The following CHL1 variants were observed in gnomAD, a reference collection of about 807,000 sequenced individuals.
CHL1 encodes the protein neural cell adhesion molecule L1-like protein.
CHL1 carries 96 observed loss-of-function variants against 141.9 expected under a neutral mutation model. That is an observed-to-expected ratio of 0.68 (90% CI 0.57 to 0.80). The LOEUF is 0.80. Among genes scored for constraint, CHL1 ranks in the 30% least tolerant of loss-of-function variants. The probability of loss-of-function intolerance (pLI) is 0.00; values close to 1 mark genes in which losing one functional copy is unlikely to be tolerated. For missense variants in CHL1, 1,820 were observed against 1,457.2 expected (o/e 1.25, Z -4.05); for synonymous variants, 613 against 502.2 (o/e 1.22, Z -2.95).
intron 2 of CHL1, among the ~76,000 whole-genome samples, chr3:253,020 T>G (rs1328530556): frequency 3.3e-5 from 5 of 152,130 alleles, no homozygotes; most frequent in Non-Finnish European, 5.9e-5. Flanking sequence ...GGAGAGGTGA[T>G]TTAAGTGGGC....
chr3:325,887 G>A lies in CHL1; in HGVS notation c.92-72G>A, dbSNP rs529817039. 1.2e-4 allele frequency: 110 copies of A among 956,330 alleles called. 1 individual carries two copies. The South Asian group carries it at 1.6e-3, about 14-fold the overall frequency. The allele number at this position is 956,330 out of a possible 1,614,324, so 59.2% of individuals were successfully genotyped here. On this transcript the variant is annotated intron_variant, in intron 3 of 27. Coordinates refer to ENST00000256509, the MANE Select transcript of CHL1 (RefSeq NM_006614.4). ...TATCAGTATACAAAAGAGGTTTAAAGTGTTTTCGCTATAGATTAACCTTGC... is the reference window on the plus strand; with the variant it reads ...TATCAGTATACAAAAGAGGTTTAAAATGTTTTCGCTATAGATTAACCTTGC...
intron 2 of CHL1, among the ~76,000 whole-genome samples, chr3:285,456 A>C (rs746153369): frequency 2.0e-5 from 3 of 152,240 alleles, no homozygotes; most frequent in Non-Finnish European, 4.4e-5. Context: ...GAATGTGATC[A>C]GATGAATAAA....
intron 1 of CHL1, among the ~76,000 whole-genome samples, chr3:209,258 C>T (rs1346239652): frequency 2.0e-5 from 3 of 152,128 alleles, no homozygotes; most frequent in Non-Finnish European, 2.9e-5. Flanking sequence ...CAGCAGATGA[C>T]AAAGTATAAA....
intron 6 of CHL1, among the ~76,000 whole-genome samples, chr3:341,126 T>A (rs997341390): frequency 3.3e-5 from 5 of 152,192 alleles, no homozygotes; most frequent in Non-Finnish European, 5.9e-5. Flanking sequence ...GGAATATAGA[T>A]CATGTGAAAG....
At chr3:336,559 G>A (rs571737494) in intron 5 of CHL1, among the ~76,000 whole-genome samples, 3 of 152,058 alleles carry the variant, frequency 2.0e-5, no homozygotes, top group Non-Finnish European at 4.4e-5. Context: ...CTAGAGAGAT[G>A]AATTCAAAGG....
At chr3:226,350 T>TTATATA (rs1333054586) in intron 1 of CHL1, among the ~76,000 whole-genome samples, 1 of 126,060 alleles carries the variant, frequency 7.9e-6, no homozygotes, top group Non-Finnish European at 1.6e-5. Context: ...CTGTATTCTA[T>TTATATA]TATATATTAT....
At chr3:271,220 C>G (rs35631933) in intron 2 of CHL1, among the ~76,000 whole-genome samples, 11,906 of 152,256 alleles carry the variant, frequency 0.078, 511 homozygotes, top group Non-Finnish European at 0.091. Flanking sequence ...GTCATTTTAA[C>G]TCGCTGATTT....
At chr3:226,947 G>C (rs1701408974) in intron 1 of CHL1, among the ~76,000 whole-genome samples, 1 of 152,120 alleles carries the variant, frequency 6.6e-6, no homozygotes, top group Non-Finnish European at 1.5e-5. Flanking sequence ...GTTGAAAATG[G>C]AAAGTTTTTG....
At chr3:301,734 T>C (rs1364691742) in intron 2 of CHL1, among the ~76,000 whole-genome samples, 2 of 152,236 alleles carry the variant, frequency 1.3e-5, no homozygotes, top group East Asian at 3.9e-4. Flanking sequence ...GTAGTCTTTT[T>C]CCGGAAAGAA....
intron 1 of CHL1, among the ~76,000 whole-genome samples, chr3:202,555 A>T (rs1048456574): frequency 6.6e-6 from 1 of 152,224 alleles, no homozygotes; most frequent in Non-Finnish European, 1.5e-5. Context: ...GTGGATGGTG[A>T]CTAGAAATCT....
At chr3:375,207 A>T (rs961111712) in intron 15 of CHL1, among the ~76,000 whole-genome samples, 3 of 152,182 alleles carry the variant, frequency 2.0e-5, no homozygotes, top group Non-Finnish European at 4.4e-5. Context: ...ATGAAAAATG[A>T]AATGGAGCAT....
chr3:245,967 T>A (rs1468944044), intron 2 of CHL1, among the ~76,000 whole-genome samples: 1 of 152,130 alleles, frequency 6.6e-6, no homozygotes, highest in Non-Finnish European at 1.5e-5. Context: ...CCACAGGGCA[T>A]CTGAAAGTCT....
chr3:315,770 T>A (rs1224750772), intron 2 of CHL1, among the ~76,000 whole-genome samples: 1 of 152,068 alleles, frequency 6.6e-6, no homozygotes, highest in East Asian at 1.9e-4. Flanking sequence ...GCGACTGCAT[T>A]GTCTGGGGTA....
At chr3:321,363 G>C (rs1700549494) in intron 3 of CHL1, among the ~76,000 whole-genome samples, 1 of 152,022 alleles carries the variant, frequency 6.6e-6, no homozygotes. Context: ...CCTACACAAT[G>C]TATTAGATTT....
chr3:302,737 C>T (rs867088972), intron 2 of CHL1, among the ~76,000 whole-genome samples: 4 of 152,170 alleles, frequency 2.6e-5, no homozygotes, highest in Non-Finnish European at 5.9e-5. Flanking sequence ...TGAAGAAGCT[C>T]TTTAGTTTAA....
intron 21 of CHL1, 49 bp downstream of exon 21, chr3:390,865 C>G: frequency 6.7e-7 from 1 of 1,503,296 alleles, no homozygotes; most frequent in Non-Finnish European, 9.3e-7. Flanking sequence ...GGTATCTTTC[C>G]TGAGAATAAA....
intron 5 of CHL1, among the ~76,000 whole-genome samples, chr3:333,045 T>A (rs945379001): frequency 6.6e-6 from 1 of 151,328 alleles, no homozygotes; most frequent in Middle Eastern, 3.2e-3. Flanking sequence ...TAAGGATAAT[T>A]CTGACCAGAA....
intron 1 of CHL1, among the ~76,000 whole-genome samples, chr3:222,285 G>A (rs1172429151): frequency 6.6e-6 from 1 of 151,972 alleles, no homozygotes; most frequent in Non-Finnish European, 1.5e-5. Flanking sequence ...CTTTTTTTTA[G>A]CTTCTAGAGG....
At chr3:317,848 G>C (rs902737065) in intron 2 of CHL1, among the ~76,000 whole-genome samples, 5 of 151,720 alleles carry the variant, frequency 3.3e-5, no homozygotes, top group African/African-American at 1.2e-4. Context: ...TTATTTCATT[G>C]ATTAGGATAA....
Sources: gnomAD v4.1 joint callset for allele counts (sites outside exome capture counted in the v4.1 genomes callset) on GRCh38, gnomAD v4.1.1 for gene constraint, MANE v1.5 for transcripts, NCBI Gene and HGNC (gene_info 2026-07-23, HGNC 2026-07-21) for gene names.